Variants in PNKD observed in about 807,000 individuals in gnomAD.
PNKD encodes the protein PNKD metallo-beta-lactamase domain containing, also known as probable thioesterase PNKD.
PNKD carries 36 observed loss-of-function variants against 45.3 expected under a neutral mutation model. The observed-to-expected ratio is 0.80, with a 90% confidence interval of 0.61 to 1.05. PNKD has a LOEUF of 1.05. PNKD is among the 50% of genes least tolerant of loss of function. The pLI, the probability that PNKD is intolerant of heterozygous loss-of-function variation, is 0.00. For missense variants in PNKD, 511 were observed against 506.6 expected, an observed-to-expected ratio of 1.01 and a Z score of -0.08; for synonymous variants, 197 against 210.1, an observed-to-expected ratio of 0.94 and a Z score of 0.54.
chr2:218,272,502 C>A, intron 2 of PNKD: 1 of 1,442,122 alleles, frequency 6.9e-7, no homozygotes, highest in Non-Finnish European at 9.8e-7. Flanking sequence ...GCTAGAATGA[C>A]TCCCCCCAGC....
At chr2:218,293,927 T>TAAA (rs56100300) in intron 2 of PNKD, among the ~76,000 whole-genome samples, 2 of 118,890 alleles carry the variant, frequency 1.7e-5, no homozygotes, top group African/African-American at 6.4e-5. Context: ...AACAGAGATT[T>TAAA]AAAAAAAAAA....
At chr2:218,314,150 C>T (rs866927617) in intron 2 of PNKD, among the ~76,000 whole-genome samples, 31 of 150,846 alleles carry the variant, frequency 2.1e-4, no homozygotes, top group South Asian at 1.0e-3. Context: ...CTCAAACTCC[C>T]AGCCTCAGGT....
chr2:218,329,540 A>G (rs1694258627), intron 2 of PNKD, among the ~76,000 whole-genome samples: 1 of 152,236 alleles, frequency 6.6e-6, no homozygotes, highest in Non-Finnish European at 1.5e-5. Flanking sequence ...AGCCCTCAGC[A>G]GCCCCTCCCC....
intron 8 of PNKD, 47 bp from the exon 9 acceptor site, chr2:218,344,408 C>A: frequency 7.4e-7 from 1 of 1,359,860 alleles, no homozygotes; most frequent in Non-Finnish European, 1.0e-6. Flanking sequence ...CTGACTGTAC[C>A]ACCAATCTCT....
intron 2 of PNKD, among the ~76,000 whole-genome samples, chr2:218,338,786 A>G (rs1183774062): frequency 8.0e-6 from 1 of 124,834 alleles, no homozygotes. Context: ...ACCCAGCCTC[A>G]GATGATTTTT....
chr2:218,273,785 A>AC (rs1690966903), intron 2 of PNKD, among the ~76,000 whole-genome samples: 1 of 151,654 alleles, frequency 6.6e-6, no homozygotes, highest in South Asian at 2.1e-4. Context: ...GGTGTGAGCC[A>AC]CCGCACCAGG....
chr2:218,332,679 C>T (rs1458259997), intron 2 of PNKD, among the ~76,000 whole-genome samples: 1 of 152,082 alleles, frequency 6.6e-6, no homozygotes, highest in African/African-American at 2.4e-5. Flanking sequence ...CCACCCCACC[C>T]TCTCCACCTT....
intron 2 of PNKD, chr2:218,317,917 G>A (rs1196382668): frequency 6.6e-6 from 1 of 152,224 alleles, no homozygotes; most frequent in Non-Finnish European, 1.5e-5. Context: ...CTCCACCCAG[G>A]TCTGACAAGA....
Position 218,339,810 on chromosome 2 carries a change from C to T in PNKD, c.264C>T (p.Leu88=), listed in dbSNP as rs138241166. The T allele has an allele frequency of 1.5e-5, 24 of 1,613,620 alleles. No individual in the cohort carries two copies. Among genetic ancestry groups the T allele is most frequent in the African/African-American group, 6.7e-5 (5 of 74,844 alleles). Residue 88 remains leucine (L), a synonymous_variant, in exon 3 of 10, where the codon CTC becomes CTT. Transcript: ENST00000273077. ...ACAGCCTGTACACCCGCACCTGGCTCGGGTACCTCTTCTACCGACAGCAGC... is the reference window on the plus strand; with the variant it reads ...ACAGCCTGTACACCCGCACCTGGCTTGGGTACCTCTTCTACCGACAGCAGC... The part of the protein sequence containing the change: ...AWYSLYTRTW[L]GYLFYRQQLR...
intron 2 of PNKD, among the ~76,000 whole-genome samples, chr2:218,324,764 A>G (rs963666362): frequency 4.0e-5 from 6 of 151,776 alleles, no homozygotes; most frequent in African/African-American, 1.5e-4. Flanking sequence ...GTGAAACGCC[A>G]TCTCTACTAA....
At chr2:218,341,846 A>T in intron 6 of PNKD, 135 bp from the exon 7 acceptor site, 1 of 817,962 alleles carries the variant, frequency 1.2e-6, no homozygotes, top group Non-Finnish European at 2.1e-6. Flanking sequence ...CTGAGACCCG[A>T]GGCACTGGGG....
At chr2:218,299,778 C>T (rs1420542751) in intron 2 of PNKD, among the ~76,000 whole-genome samples, 5 of 152,150 alleles carry the variant, frequency 3.3e-5, no homozygotes, top group Admixed American at 2.6e-4. Context: ...CGTACCACCA[C>T]GCCAGGCTAA....
At chr2:218,315,018 T>TTTTCTTTCTTTC (rs1559521164) in intron 2 of PNKD, among the ~76,000 whole-genome samples, 1 of 2,280 alleles carries the variant, frequency 4.4e-4, no homozygotes, top group Non-Finnish European at 1.4e-3. Flanking sequence ...TTCTTTTTCT[T>TTTTCTTTCTTTC]TCTTTCTTTC....
At chr2:218,282,902 G>A (rs560388664) in intron 2 of PNKD, among the ~76,000 whole-genome samples, 135 of 152,306 alleles carry the variant, frequency 8.9e-4, no homozygotes, top group Non-Finnish European at 1.4e-3. Context: ...TAACAGCGGT[G>A]GCGTGTCAGA....
chr2:218,323,439 C>T lies in PNKD; in HGVS notation c.237-16344C>T, dbSNP rs898351922. 21 of 1,552,262 alleles carry T rather than the reference C, an allele frequency of 1.4e-5. No individual in the cohort carries two copies. In the African/African-American group the frequency reaches 2.2e-4, roughly 16 times the overall value. On this transcript the variant is annotated intron_variant, in intron 2 of 9. Transcript: ENST00000273077. ...GCTGCTCTTCCGAATCGGGTTAGTG[C>T]CCGGGCTCCGAAGCGTGCGGGCTCG...
intron 2 of PNKD, among the ~76,000 whole-genome samples, chr2:218,281,208 A>G (rs1270894446): frequency 4.4e-5 from 6 of 135,366 alleles, no homozygotes; most frequent in Admixed American, 8.3e-5. Flanking sequence ...ATCCTGGCTC[A>G]CTGCAACCTC....
intron 2 of PNKD, among the ~76,000 whole-genome samples, chr2:218,330,376 G>A (rs969544891): frequency 4.6e-5 from 7 of 152,214 alleles, no homozygotes; most frequent in Admixed American, 6.5e-5. Flanking sequence ...AGGGAGGGGC[G>A]TCTGGGGGGG....
At chr2:218,314,554 T>C (rs901088463) in intron 2 of PNKD, among the ~76,000 whole-genome samples, 1 of 152,102 alleles carries the variant, frequency 6.6e-6, no homozygotes, top group Non-Finnish European at 1.5e-5. Context: ...ATTTTCTTGA[T>C]TCTTTTGAGT....
At chr2:218,279,703 T>G (rs1290019267) in intron 2 of PNKD, among the ~76,000 whole-genome samples, 1 of 152,172 alleles carries the variant, frequency 6.6e-6, no homozygotes, top group African/African-American at 2.4e-5. Context: ...GCGAGTAGGA[T>G]CATTTCTGGC....
Sources: allele counts gnomAD v4.1 joint callset (sites outside exome capture counted in the v4.1 genomes callset), GRCh38; gene constraint gnomAD v4.1.1; transcripts MANE v1.5; gene names NCBI Gene and HGNC (gene_info 2026-07-23, HGNC 2026-07-21).